RBFOX2: variants seen among roughly 807,000 people sequenced by gnomAD.
RBFOX2 encodes the protein RNA binding protein fox-1 homolog 2.
RBFOX2 carries 10 observed loss-of-function variants against 49.1 expected under a neutral mutation model. That is an observed-to-expected ratio of 0.20 (90% confidence interval 0.13 to 0.35). RBFOX2 has a LOEUF of 0.35. Ranked by LOEUF, RBFOX2 falls within the 10% of genes least tolerant of loss-of-function variation. The probability of loss-of-function intolerance (pLI) is 1.00; values close to 1 mark genes in which losing one functional copy is unlikely to be tolerated. For missense variants in RBFOX2, 323 were observed against 486.9 expected (o/e 0.66, Z 3.17); for synonymous variants, 183 against 187.4 (o/e 0.98, Z 0.19).
intron 1 of RBFOX2, among the ~76,000 whole-genome samples, chr22:35,820,887 A>G (rs1954300667): frequency 6.6e-6 from 1 of 152,234 alleles, no homozygotes; most frequent in Admixed American, 6.5e-5. Context: ...AGGGACTTAC[A>G]CTAAAGCTAT....
intron 1 of RBFOX2, among the ~76,000 whole-genome samples, chr22:35,847,700 G>C (rs147206823): frequency 1.1e-4 from 17 of 152,054 alleles, no homozygotes; most frequent in African/African-American, 3.9e-4. Context: ...AGAATGGAGA[G>C]TAAACCCTTA....
chr22:35,827,267 C>T (rs893950241), intron 1 of RBFOX2, among the ~76,000 whole-genome samples: 3 of 152,130 alleles, frequency 2.0e-5, no homozygotes, highest in South Asian at 2.1e-4. Context: ...CTGTTTAACA[C>T]AGTGAAAAAA....
chr22:35,866,738 CA>C (rs899952290), intron 1 of RBFOX2, among the ~76,000 whole-genome samples: 3 of 152,280 alleles, frequency 2.0e-5, no homozygotes, highest in African/African-American at 7.2e-5. Flanking sequence ...AGGCTCCTCT[CA>C]GCCAAAGAAC....
chr22:36,025,620 C>T (rs2059402769), intron 1 of RBFOX2, among the ~76,000 whole-genome samples: 1 of 152,146 alleles, frequency 6.6e-6, no homozygotes. Flanking sequence ...GTAATACTCT[C>T]ACACTTCTTT....
intron 1 of RBFOX2, among the ~76,000 whole-genome samples, chr22:35,969,145 G>C (rs1315191762): frequency 6.6e-6 from 1 of 152,118 alleles, no homozygotes; most frequent in Non-Finnish European, 1.5e-5. Context: ...CACTGCCCTA[G>C]AAGATAAAAA....
chr22:35,820,891 A>C (rs563483861), intron 1 of RBFOX2, among the ~76,000 whole-genome samples: 12 of 152,262 alleles, frequency 7.9e-5, no homozygotes, highest in African/African-American at 2.9e-4. Context: ...ACTTACACTA[A>C]AGCTATGAAC....
intron 1 of RBFOX2, among the ~76,000 whole-genome samples, chr22:35,985,462 A>G (rs2057664794): frequency 6.6e-6 from 1 of 152,172 alleles, no homozygotes; most frequent in Non-Finnish European, 1.5e-5. Context: ...AACAGCCACT[A>G]TTTAGCTCCT....
intron 1 of RBFOX2, among the ~76,000 whole-genome samples, chr22:35,871,974 T>C (rs1425761090): frequency 2.6e-5 from 4 of 152,194 alleles, no homozygotes; most frequent in Admixed American, 6.5e-5. Flanking sequence ...TCTGTATCCA[T>C]AGCTGGGCAG....
At chr22:35,840,714 G>A (rs1316356271), upstream of RBFOX2, 21 of 711,970 alleles carry the variant, frequency 2.9e-5, no homozygotes, top group East Asian at 1.1e-4. Context: ...TTAAGGATGC[G>A]ATGATGGAAT....
At chr22:35,784,781 G>A (rs985288409) in intron 2 of RBFOX2, among the ~76,000 whole-genome samples, 1 of 152,172 alleles carries the variant, frequency 6.6e-6, no homozygotes, top group Admixed American at 6.5e-5. Context: ...TTTGCCCCGG[G>A]AGGCCCGCAG....
At chr22:35,848,838 T>C (rs2041535453) in intron 1 of RBFOX2, among the ~76,000 whole-genome samples, 1 of 152,104 alleles carries the variant, frequency 6.6e-6, no homozygotes, top group African/African-American at 2.4e-5. Flanking sequence ...AGCTCAGAGG[T>C]CATCTGGCCC....
At chr22:35,873,670 C>T (rs950185106) in intron 1 of RBFOX2, among the ~76,000 whole-genome samples, 9 of 152,208 alleles carry the variant, frequency 5.9e-5, no homozygotes, top group African/African-American at 1.9e-4. Context: ...AGAAAAGCCA[C>T]TGCCACTGAG....
At chr22:35,828,144 G>C (rs1219033627) in intron 1 of RBFOX2, among the ~76,000 whole-genome samples, 2 of 136,060 alleles carry the variant, frequency 1.5e-5, no homozygotes, top group Non-Finnish European at 3.1e-5. Context: ...CTGGCCAACA[G>C]ACTAAGAATC....
chr22:36,021,539 G>A (rs1456393592), intron 1 of RBFOX2, among the ~76,000 whole-genome samples: 1 of 151,886 alleles, frequency 6.6e-6, no homozygotes, highest in African/African-American at 2.4e-5. Context: ...TCACTTCTGA[G>A]CATTAGTGAC....
At chr22:35,943,764 G>T (rs1211538681), upstream of RBFOX2, among the ~76,000 whole-genome samples, 2 of 152,188 alleles carry the variant, frequency 1.3e-5, no homozygotes, top group African/African-American at 4.8e-5. Flanking sequence ...AATTAGCTGG[G>T]CATGGTGGTG....
At chr22:35,809,722 G>T in intron 2 of RBFOX2, 58 bp downstream of exon 3, 1 of 1,549,648 alleles carries the variant, frequency 6.5e-7, no homozygotes, top group Non-Finnish European at 8.9e-7. Context: ...TAATTAAGGC[G>T]ACAATTTCTA....
At chr22:35,909,540 A>G (rs2049528650) in intron 1 of RBFOX2, among the ~76,000 whole-genome samples, 1 of 152,218 alleles carries the variant, frequency 6.6e-6, no homozygotes, top group South Asian at 2.1e-4. Context: ...TCTTCATTCA[A>G]AAGAAAAATA....
At chr22:35,810,430 A>T (rs1335642424) in intron 1 of RBFOX2, among the ~76,000 whole-genome samples, 1 of 152,176 alleles carries the variant, frequency 6.6e-6, no homozygotes, top group Non-Finnish European at 1.5e-5. Context: ...CTAGGAGAAA[A>T]TATTAGCAAA....
rs2057694781 is a variant in RBFOX2 at position 35,985,907 on chromosome 22, GATAGATAGATA to G, written c.186+42322_186+42332del. On this transcript the variant is annotated intron_variant, in intron 1 of 13. Transcript: ENST00000438146. ...AGATAGATAGATAGATAGATGGATA[GATAGATAGATA>G]GATAGATAGATAGATAGATAGATAG... 1.7e-3 allele frequency among the ~76,000 whole-genome samples: 10 copies of G among 5,892 alleles called. No individual in the cohort carries two copies. In the South Asian group the frequency reaches 0.061, roughly 36 times the overall value. The allele number at this position is 5,892 out of a possible 152,430, so 3.9% of individuals were successfully genotyped here. A position where few individuals can be genotyped will look rare whatever the true frequency, so the allele number is the denominator to read the frequency against.
Sources: gnomAD v4.1 joint callset for allele counts (sites outside exome capture counted in the v4.1 genomes callset) on GRCh38, gnomAD v4.1.1 for gene constraint, MANE v1.5 for transcripts, NCBI Gene and HGNC (gene_info 2026-07-23, HGNC 2026-07-21) for gene names.